PCCA: variants seen among roughly 807,000 people sequenced by gnomAD.
PCCA encodes propionyl-CoA carboxylase alpha chain, mitochondrial.
In PCCA, 74 loss-of-function variants were observed where a neutral mutation model predicts 101.3. That is an observed-to-expected ratio of 0.73 (90% CI 0.61 to 0.89). The LOEUF is 0.89. Among genes scored for constraint, PCCA ranks in the 40% least tolerant of loss-of-function variants. The probability of loss-of-function intolerance (pLI) is 0.00; values close to 1 mark genes in which losing one functional copy is unlikely to be tolerated. For missense variants in PCCA, 891 were observed against 907.0 expected (o/e 0.98, Z 0.23); for synonymous variants, 294 against 313.6 (o/e 0.94, Z 0.66).
chr13:100,232,348 A>C (rs142463564), intron 7 of PCCA, among the ~76,000 whole-genome samples: 1 of 60,384 alleles, frequency 1.7e-5, no homozygotes. Flanking sequence ...GTGTGTGTGT[A>C]TGCGTGTGTG....
At chr13:100,319,794 G>C (rs1420796975) in intron 16 of PCCA, among the ~76,000 whole-genome samples, 1 of 152,134 alleles carries the variant, frequency 6.6e-6, no homozygotes, top group East Asian at 1.9e-4. Flanking sequence ...TGTTCTTTTG[G>C]CTTAGGATTG....
chr13:100,430,268 A>AAAAC (rs1019335153), intron 20 of PCCA, among the ~76,000 whole-genome samples: 8 of 152,150 alleles, frequency 5.3e-5, no homozygotes, highest in East Asian at 3.9e-4. Flanking sequence ...CTCCGTCTCA[A>AAAAC]AAACAAACAA....
intron 7 of PCCA, among the ~76,000 whole-genome samples, chr13:100,230,446 A>G (rs1566755516): frequency 1.3e-5 from 2 of 151,772 alleles, no homozygotes; most frequent in Non-Finnish European, 1.5e-5. Context: ...TCAGGAGGCT[A>G]AGGCAAGAGA....
At chr13:100,099,427 C>T (rs1299258949) in intron 1 of PCCA, among the ~76,000 whole-genome samples, 2 of 151,030 alleles carry the variant, frequency 1.3e-5, no homozygotes, top group Non-Finnish European at 2.9e-5. Flanking sequence ...ACGCCATTCT[C>T]CCGCCTCAGT....
At position 100,098,821 on chromosome 13, in the gene PCCA, AC is replaced by A. The variant is rs550875643; in HGVS notation, c.106-4061del. On this transcript the variant is annotated intron_variant, in intron 1 of 23. Coordinates refer to ENST00000376285, the MANE Select transcript of PCCA (RefSeq NM_000282.4). The stretch of plus-strand genomic sequence containing the variant: ...AGGTGTTCAACTTGGCTTTTGGCAG[AC>A]ACTGAAGATTGGAATGGTCTCTAAG... Among the ~76,000 whole-genome samples the A allele has an allele frequency of 2.8e-3, 422 of 152,288 alleles. 2 individuals are homozygous for A. Among genetic ancestry groups the A allele is most frequent in the Middle Eastern group, 6.8e-3 (2 of 294 alleles).
At chr13:100,294,806 A>G (rs2065398885) in intron 12 of PCCA, among the ~76,000 whole-genome samples, 2 of 152,336 alleles carry the variant, frequency 1.3e-5, no homozygotes, top group African/African-American at 4.8e-5. Flanking sequence ...GCAACTGACA[A>G]TGTCATGTCT....
intron 17 of PCCA, among the ~76,000 whole-genome samples, chr13:100,339,068 G>A: frequency 6.6e-6 from 1 of 151,966 alleles, no homozygotes; most frequent in Non-Finnish European, 1.5e-5. Flanking sequence ...AAAATCCACA[G>A]AAGCTCAATT....
intron 18 of PCCA, among the ~76,000 whole-genome samples, chr13:100,349,140 T>G (rs1222330062): frequency 6.6e-6 from 1 of 151,212 alleles, no homozygotes; most frequent in African/African-American, 2.4e-5. Context: ...TTGTTTGTTT[T>G]GAGACGGAGT....
chr13:100,135,955 GA>G (rs1341402071), intron 4 of PCCA, among the ~76,000 whole-genome samples: 7 of 152,008 alleles, frequency 4.6e-5, no homozygotes, highest in Admixed American at 1.3e-4. Flanking sequence ...CTGAGCGATT[GA>G]TTTTTTTAGT....
rs767997785 is a variant in PCCA at position 100,330,592 on chromosome 13, G to C, written c.1461G>C (p.Glu487Asp). The C allele has an allele frequency of 2.5e-6, 4 of 1,610,790 alleles. No individual in the cohort carries two copies. The Middle Eastern group carries it at 5.0e-4, about 200-fold the overall frequency. Residue 487 changes from glutamate to aspartate, a missense_variant, in exon 17 of 24, where the codon GAG (glutamate) becomes GAC (aspartate). Physicochemically the swap from Glu to Asp is conservative, Grantham distance 45. Transcript: ENST00000376285. ...CACATAATATTGCATTACTTCGAGA[G>C]GTGATAATCAACTCACGCTTTGTAA... ...GVTHNIALLR[E>D]VIINSRFVKG...
In PCCA at chr13:100,530,295, C is replaced by T; in HGVS notation, c.*129C>T. On this transcript the variant is annotated 3_prime_UTR_variant, in exon 24 of 24. Coordinates refer to ENST00000376285, the MANE Select transcript of PCCA (RefSeq NM_000282.4). Reference sequence around the variant, plus strand: ...TACGTTTACGTCGTCATTTATTCCACAGAGTCAAGACCAATATTCTGCCAA... The same window carrying T: ...TACGTTTACGTCGTCATTTATTCCATAGAGTCAAGACCAATATTCTGCCAA... The T allele has an allele frequency of 1.3e-6, 1 of 784,530 alleles. No individual in the cohort carries two copies. The highest frequency in any genetic ancestry group is 2.2e-6 in the Non-Finnish European group (1 of 448,988). 48.6% of individuals were successfully genotyped at this position (784,530 alleles called of 1,614,324 possible).
chr13:100,266,718 G>A (rs945657641), intron 10 of PCCA, among the ~76,000 whole-genome samples: 2 of 152,148 alleles, frequency 1.3e-5, no homozygotes, highest in African/African-American at 4.8e-5. Context: ...TGCACTGGTA[G>A]TGTGAATGGC....
intron 19 of PCCA, among the ~76,000 whole-genome samples, chr13:100,403,829 G>T (rs2077510430): frequency 6.6e-6 from 1 of 152,128 alleles, no homozygotes; most frequent in Admixed American, 6.5e-5. Context: ...GAGGGGCCAG[G>T]TTCCTCCCTG....
chr13:100,291,540 C>T (rs192645880), intron 12 of PCCA, among the ~76,000 whole-genome samples: 1 of 152,294 alleles, frequency 6.6e-6, no homozygotes. Flanking sequence ...CTCTGTTTCA[C>T]TTGGTCTGTG....
At chr13:100,474,346 C>T (rs1249742030) in intron 21 of PCCA, among the ~76,000 whole-genome samples, 1 of 152,140 alleles carries the variant, frequency 6.6e-6, no homozygotes, top group Non-Finnish European at 1.5e-5. Flanking sequence ...GCTTACTACA[C>T]ATTTTATGTA....
At chr13:100,296,210 A>G (rs1050475665) in intron 12 of PCCA, among the ~76,000 whole-genome samples, 3 of 151,940 alleles carry the variant, frequency 2.0e-5, no homozygotes, top group African/African-American at 7.2e-5. Flanking sequence ...AAGTCTTTCT[A>G]GGGACACTAT....
intron 16 of PCCA, among the ~76,000 whole-genome samples, chr13:100,318,153 A>G (rs966895953): frequency 6.6e-6 from 1 of 152,106 alleles, no homozygotes; most frequent in African/African-American, 2.4e-5. Context: ...AGTTGCTCTC[A>G]TGGGAATGTG....
intron 1 of PCCA, among the ~76,000 whole-genome samples, chr13:100,093,258 CTAGAGT>C (rs1310490089): frequency 5.9e-5 from 9 of 152,008 alleles, no homozygotes; most frequent in Admixed American, 2.0e-4. Flanking sequence ...GGATACGAGG[CTAGAGT>C]TAGAGTTAGA....
chr13:100,244,099 T>C (rs1278133235), intron 8 of PCCA, among the ~76,000 whole-genome samples: 1 of 152,224 alleles, frequency 6.6e-6, no homozygotes, highest in Non-Finnish European at 1.5e-5. Context: ...TTACATCTTG[T>C]TAATTTATTT....
Sources: gnomAD v4.1 joint callset for allele counts (sites outside exome capture counted in the v4.1 genomes callset) on GRCh38, gnomAD v4.1.1 for gene constraint, MANE v1.5 for transcripts, NCBI Gene and HGNC (gene_info 2026-07-23, HGNC 2026-07-21) for gene names.